Variants in CEP68 observed in about 807,000 individuals in gnomAD.
The protein encoded by CEP68 is centrosomal protein 68.
CEP68 carries 26 observed loss-of-function variants against 55.3 expected under a neutral mutation model. The ratio of observed to expected loss-of-function variants is 0.47; its 90% CI spans 0.34 to 0.65. The LOEUF is 0.65. Ranked by LOEUF, CEP68 falls within the 30% of genes least tolerant of loss-of-function variation. The probability of loss-of-function intolerance (pLI) is 0.01; values close to 1 mark genes in which losing one functional copy is unlikely to be tolerated. For synonymous variants in CEP68, 402 were observed against 383.2 expected, an observed-to-expected ratio of 1.05 and a Z score of -0.57; for missense variants, 957 against 946.7, an observed-to-expected ratio of 1.01 and a Z score of -0.14.
intron 1 of CEP68, among the ~76,000 whole-genome samples, chr2:65,065,887 C>T (rs959803617): frequency 3.3e-5 from 5 of 150,980 alleles, no homozygotes; most frequent in Middle Eastern, 3.4e-3. Context: ...AGCCAGGGGC[C>T]GGAGGTTGCA....
chr2:65,070,131 A>G (rs1486056636), intron 2 of CEP68, among the ~76,000 whole-genome samples: 1 of 152,114 alleles, frequency 6.6e-6, no homozygotes, highest in East Asian at 1.9e-4. Context: ...TGACTTGGTG[A>G]TTAAAGGCTT....
chr2:65,084,198 C>T lies in CEP68; in HGVS notation c.*564C>T, dbSNP rs1019156362. The T allele has an allele frequency of 1.3e-5, 2 of 152,204 alleles. No homozygotes were observed. The highest frequency in any genetic ancestry group is 4.8e-5 in the African/African-American group (2 of 41,448). 9.4% of individuals were successfully genotyped at this position (152,204 alleles called of 1,614,324 possible). The stretch of plus-strand genomic sequence containing the variant: ...TTAAATGAAGCATCTATACAGATGA[C>T]TTTGGGAGATTATGACACCTTTTGC... On this transcript the variant is annotated 3_prime_UTR_variant, in exon 7 of 7. Transcript: ENST00000377990.
chr2:65,066,748 ATAT>A (rs1558557574), intron 1 of CEP68, among the ~76,000 whole-genome samples: 51 of 51,812 alleles, frequency 9.8e-4, no homozygotes, highest in African/African-American at 1.4e-3. Context: ...AAAAAAAAAT[ATAT>A]ATATATATAT....
chr2:65,065,028 G>A (rs959962310), intron 1 of CEP68, among the ~76,000 whole-genome samples: 1 of 152,168 alleles, frequency 6.6e-6, no homozygotes, highest in African/African-American at 2.4e-5. Flanking sequence ...TCCCCAGTTG[G>A]CTCATAAACA....
rs1439418608 is a variant in CEP68, at chr2:65,085,424, ACTCC to A, written c.*1793_*1796del. ...AATAAGGTGAGACTAAAGGGTGCTA[ACTCC>A]CTGGACCTGGCTGTGAATGCTACTG... On this transcript the variant is annotated 3_prime_UTR_variant, in exon 7 of 7. Transcript: ENST00000377990. 5.3e-5 allele frequency: 8 copies of A among 151,970 alleles called. No homozygotes were observed. Among genetic ancestry groups the A allele is most frequent in the African/African-American group, 1.9e-4 (8 of 41,350 alleles). 9.4% of individuals were successfully genotyped at this position (151,970 alleles called of 1,614,324 possible). A position where few individuals can be genotyped will look rare whatever the true frequency, so the allele number is the denominator to read the frequency against.
At chr2:65,082,048 G>A (rs1254624918) in intron 5 of CEP68, among the ~76,000 whole-genome samples, 1 of 152,142 alleles carries the variant, frequency 6.6e-6, no homozygotes, top group Non-Finnish European at 1.5e-5. Context: ...AAAACAAAGG[G>A]TCTCAAGCAC....
intron 5 of CEP68, among the ~76,000 whole-genome samples, chr2:65,081,160 G>T (rs561818456): frequency 1.3e-5 from 2 of 151,090 alleles, no homozygotes; most frequent in Non-Finnish European, 2.9e-5. Flanking sequence ...TTAGTGAGCC[G>T]AGATTTGTGC....
rs577809305 is a variant in CEP68, at chr2:65,086,555, C to T, written c.*2921C>T. The T allele has an allele frequency of 6.6e-6, 1 of 152,246 alleles. No homozygotes were observed. Among genetic ancestry groups the T allele is most frequent in the East Asian group, 1.9e-4 (1 of 5,190 alleles). 9.4% of individuals were successfully genotyped at this position (152,246 alleles called of 1,614,324 possible). Reference sequence around the variant, plus strand: ...CCAAACTTAAGTCTGTAAATATGCTCATCTTAAGTTCATGTAATGTTTCCG... The same window carrying T: ...CCAAACTTAAGTCTGTAAATATGCTTATCTTAAGTTCATGTAATGTTTCCG... On this transcript the variant is annotated 3_prime_UTR_variant, in exon 7 of 7. Transcript: ENST00000377990.
chr2:65,057,309 G>A (rs1675678305), intron 1 of CEP68, among the ~76,000 whole-genome samples: 1 of 152,234 alleles, frequency 6.6e-6, no homozygotes, highest in South Asian at 2.1e-4. Flanking sequence ...AGGGTATGAA[G>A]AGTGTTGTGT....
Position 65,082,674 on chromosome 2 carries a change from C to A in CEP68, c.2243C>A (p.Ala748Glu), listed in dbSNP as rs540340877. The A allele has an allele frequency of 1.2e-6, 2 of 1,603,858 alleles. No individual in the cohort carries two copies. Among genetic ancestry groups the A allele is most frequent in the Non-Finnish European group, 8.5e-7 (1 of 1,176,966 alleles). Residue 748 changes from alanine to glutamate, a missense_variant, in exon 6 of 7, where the codon GCG becomes GAG. Coordinates refer to ENST00000377990, the MANE Select transcript of CEP68 (RefSeq NM_015147.3). ...CTLIPDKKPMAAMEHPCEGV is the reference protein window; with the variant it reads ...CTLIPDKKPMEAMEHPCEGV ...CTTATCCCTGACAAAAAGCCCATGG[C>A]GGCAATGGAGCACCCATGTGAAGGG...
At chr2:65,073,287 G>A (rs1397930277) in intron 3 of CEP68, 1 of 422,020 alleles carries the variant, frequency 2.4e-6, no homozygotes, top group African/African-American at 2.0e-5. Flanking sequence ...CACTACCCTT[G>A]GCTGCTTCCT....
intron 4 of CEP68, among the ~76,000 whole-genome samples, chr2:65,075,423 C>T (rs528264230): frequency 3.3e-5 from 5 of 152,018 alleles, no homozygotes; most frequent in African/African-American, 7.2e-5. Flanking sequence ...AAAACTCTGA[C>T]GTCAGTTTGT....
In CEP68 at chr2:65,077,959, C is replaced by T; in HGVS notation, c.2099C>T (p.Thr700Ile). Residue 700 changes from threonine to isoleucine, a missense_variant, in exon 5 of 7, where the codon ACC becomes ATC. Transcript: ENST00000377990. ...EILLQCLLEN[T>I]PVLEDVLGRI... is the part of the protein sequence containing the mutation. ...CTTCTTCAGTGCCTGTTGGAGAACA[C>T]CCCAGGTGAGATGCTTAAGGTTTTG... The T allele has an allele frequency of 6.2e-7, 1 of 1,612,150 alleles. No individual in the cohort carries two copies. The highest frequency in any genetic ancestry group is 8.5e-7 in the Non-Finnish European group (1 of 1,178,432).
rs955685776 is a variant in CEP68 at position 65,083,666 on chromosome 2, G to A, written c.*32G>A. On this transcript the variant is annotated 3_prime_UTR_variant, in exon 7 of 7. Transcript: ENST00000377990. ...ATCTTCTCAGGCAGAGGTGCAACCT[G>A]TCGGCCAAACACTGGCTAGTGAGAA... is the stretch of plus-strand genomic sequence containing the variant. The A allele has an allele frequency of 6.6e-6, 1 of 152,230 alleles. No individual in the cohort carries two copies. Among genetic ancestry groups the A allele is most frequent in the South Asian group, 2.1e-4 (1 of 4,834 alleles). The allele number at this position is 152,230 out of a possible 1,614,324, so 9.4% of individuals were successfully genotyped here.
intron 4 of CEP68, chr2:65,074,768 C>G (rs532738917): frequency 0.012 from 2,921 of 241,104 alleles, 94 homozygotes; most frequent in African/African-American, 0.063. Flanking sequence ...AGCAAGACCC[C>G]CCCCCCTCAA....
intron 2 of CEP68, 187 bp from the exon 3 acceptor site, chr2:65,071,267 G>C (rs1676444937): frequency 1.7e-6 from 1 of 595,658 alleles, no homozygotes; most frequent in Non-Finnish European, 3.0e-6. Flanking sequence ...TTCCCAGACA[G>C]GCAGGGTCTC....
At chr2:65,063,472 C>T (rs923602665) in intron 1 of CEP68, among the ~76,000 whole-genome samples, 3 of 152,192 alleles carry the variant, frequency 2.0e-5, no homozygotes, top group South Asian at 2.1e-4. Context: ...GATCCGAGAA[C>T]GGGAGGCCCC....
intron 1 of CEP68, among the ~76,000 whole-genome samples, chr2:65,068,370 GT>G (rs1441640420): frequency 6.6e-6 from 1 of 152,142 alleles, no homozygotes; most frequent in Non-Finnish European, 1.5e-5. Context: ...CCTTCCCTGA[GT>G]GCTCGGCCTG....
At chr2:65,056,671 C>T (rs1166728567) in intron 1 of CEP68, 143 bp downstream of exon 1, 1 of 152,066 alleles carries the variant, frequency 6.6e-6, no homozygotes, top group African/African-American at 2.4e-5. Flanking sequence ...TGCGGGCCGT[C>T]TGGCCTCGCG....
Sources: gnomAD v4.1 joint callset for allele counts (sites outside exome capture counted in the v4.1 genomes callset) on GRCh38, gnomAD v4.1.1 for gene constraint, MANE v1.5 for transcripts, NCBI Gene and HGNC (gene_info 2026-07-23, HGNC 2026-07-21) for gene names.